The following SLC38A8 variants were observed in gnomAD, a reference collection of about 807,000 sequenced individuals.
SLC38A8 encodes amino acid transporter SLC38A8.
A neutral mutation model predicts 46.0 loss-of-function variants in SLC38A8; 65 were observed. That is an observed-to-expected ratio of 1.41 (90% CI 1.16 to 1.74). The LOEUF is 1.74. Ranked by LOEUF, SLC38A8 falls within the 40% of genes most tolerant of loss-of-function variation. SLC38A8 has a pLI of 0.00. For synonymous variants in SLC38A8, 447 were observed against 243.7 expected (o/e 1.83, Z -7.77); for missense variants, 998 against 567.9 (o/e 1.76, Z -7.70).
intron 5 of SLC38A8, among the ~76,000 whole-genome samples, chr16:84,030,026 C>T (rs946167997): frequency 6.6e-6 from 1 of 152,164 alleles, no homozygotes; most frequent in African/African-American, 2.4e-5. Context: ...TTCACAGCTT[C>T]CTTTGACAGG....
rs763069323 is a variant in SLC38A8 at position 84,031,865 on chromosome 16, AC to A, written c.632+1del. On this transcript the variant is annotated splice_donor_variant, in intron 5 of 10. Coordinates refer to ENST00000299709, the MANE Select transcript of SLC38A8 (RefSeq NM_001080442.3). LOFTEE classifies it high-confidence loss of function. ...TGCCGGAAGCTGTTCCCTCAGACTT[AC>A]CTCAGTGAAGGATGGGACTCACGCA... 1.9e-6 allele frequency: 3 copies of A among 1,613,698 alleles called. No individual in the cohort carries two copies. The South Asian group carries it at 3.3e-5, about 18-fold the overall frequency.
At chr16:84,035,856 T>A (rs2085294374) in intron 3 of SLC38A8, among the ~76,000 whole-genome samples, 1 of 152,264 alleles carries the variant, frequency 6.6e-6, no homozygotes, top group African/African-American at 2.4e-5. Flanking sequence ...TCCTTTAACA[T>A]CCTTCTCTTA....
chr16:84,021,638 C>T (rs562616730), intron 7 of SLC38A8, among the ~76,000 whole-genome samples: 69 of 152,324 alleles, frequency 4.5e-4, no homozygotes, highest in African/African-American at 1.7e-3. Flanking sequence ...CGAATTCTTC[C>T]AGCCTGCACT....
At chr16:84,022,677 C>A in intron 7 of SLC38A8, 98 bp downstream of exon 7, 1 of 905,402 alleles carries the variant, frequency 1.1e-6, no homozygotes, top group Non-Finnish European at 1.7e-6. Context: ...GAGTATTGAG[C>A]CCAGCACGTG....
intron 2 of SLC38A8, among the ~76,000 whole-genome samples, chr16:84,037,553 G>C (rs1195275231): frequency 6.6e-6 from 1 of 152,104 alleles, no homozygotes; most frequent in African/African-American, 2.4e-5. Context: ...CTGAGGTCAG[G>C]AGTTTGAGAC....
chr16:84,036,590 G>A (rs2085301624), intron 3 of SLC38A8, 112 bp downstream of exon 3: 2 of 1,225,680 alleles, frequency 1.6e-6, no homozygotes, highest in South Asian at 1.4e-5. Context: ...TTCAGCCTCT[G>A]CTGTCCCTCA....
intron 6 of SLC38A8, among the ~76,000 whole-genome samples, chr16:84,023,855 C>G (rs2085126222): frequency 6.6e-6 from 1 of 152,234 alleles, no homozygotes; most frequent in Non-Finnish European, 1.5e-5. Context: ...GATCGTGCCA[C>G]TGCACTCCAG....
chr16:84,029,545 G>C lies in SLC38A8; in HGVS notation c.639C>G (p.Ala213=). ...VRESHPSLSP[A]SWTSVFSVFP... ...AGACACTGAACACAGAGGTCCAGGA[G>C]GCAGGGCTGTAAACAGACAAGAACA... Residue 213 remains alanine (A), a synonymous_variant, in exon 6 of 11, where the codon GCC becomes GCG. Coordinates refer to ENST00000299709, the MANE Select transcript of SLC38A8 (RefSeq NM_001080442.3). 1.2e-6 allele frequency: 2 copies of C among 1,614,146 alleles called. No homozygotes were observed. The highest frequency in any genetic ancestry group is 1.7e-6 in the Non-Finnish European group (2 of 1,180,000).
chr16:84,011,301 C>A (rs1438351454), intron 10 of SLC38A8, among the ~76,000 whole-genome samples: 2 of 152,144 alleles, frequency 1.3e-5, no homozygotes, highest in African/African-American at 4.8e-5. Flanking sequence ...AGGAACAAAA[C>A]AAAAAGCATG....
intron 3 of SLC38A8, 144 bp downstream of exon 3, chr16:84,036,553 CTACCA>C: frequency 1.1e-6 from 1 of 885,300 alleles, no homozygotes; most frequent in Non-Finnish European, 1.7e-6. Flanking sequence ...CCTCCCTTCC[CTACCA>C]TGTTAGGAAC....
At chr16:84,033,714 G>A (rs958924128) in intron 3 of SLC38A8, among the ~76,000 whole-genome samples, 1 of 152,170 alleles carries the variant, frequency 6.6e-6, no homozygotes, top group Non-Finnish European at 1.5e-5. Flanking sequence ...ACTGCTCTAA[G>A]GCCCAAGATG....
Position 84,042,079 on chromosome 16 carries a change from T to A in SLC38A8, c.79A>T (p.Met27Leu). The A allele has an allele frequency of 6.2e-7, 1 of 1,613,996 alleles. No homozygotes were observed. The highest frequency in any genetic ancestry group is 8.5e-7 in the Non-Finnish European group (1 of 1,180,000). Residue 27 changes from methionine to leucine, a missense_variant, in exon 2 of 11, where the codon ATG becomes TTG. Transcript: ENST00000299709. ...PATAAATLSS[M>L]GAVFILMKSA... ...TTCATGAGGATGAAGACAGCGCCCA[T>A]CGAGGACAGAGTGGCAGCAGCCGTG...
intron 2 of SLC38A8, among the ~76,000 whole-genome samples, chr16:84,037,672 A>G (rs1394579634): frequency 6.6e-6 from 1 of 151,924 alleles, no homozygotes; most frequent in Non-Finnish European, 1.5e-5. Context: ...GAGGCAGCAA[A>G]ATCTCTTGAA....
chr16:84,016,437 T>C, intron 9 of SLC38A8, 82 bp downstream of exon 9: 1 of 1,506,082 alleles, frequency 6.6e-7, no homozygotes, highest in Non-Finnish European at 9.0e-7. Flanking sequence ...TTCCAGAACC[T>C]TGACCTCCAA....
At chr16:84,022,229 C>T (rs142747503) in intron 7 of SLC38A8, among the ~76,000 whole-genome samples, 32 of 152,274 alleles carry the variant, frequency 2.1e-4, no homozygotes, top group East Asian at 1.7e-3. Flanking sequence ...AAAAGACTGG[C>T]GTCAAGTGGC....
rs146804461 is a variant in SLC38A8 at position 84,023,670 on chromosome 16, G to C, written c.691-781C>G. On this transcript the variant is annotated intron_variant, in intron 6 of 10. Coordinates refer to ENST00000299709, the MANE Select transcript of SLC38A8 (RefSeq NM_001080442.3). ...GCACTTTGGGAGGCCGAAGGGGGCA[G>C]ATCACTTGAGGTCAGGAGTTTGAGA... is the stretch of plus-strand genomic sequence containing the variant. Among the ~76,000 whole-genome samples the C allele has an allele frequency of 1.3e-3, 198 of 152,236 alleles. 2 individuals carry two copies. The highest frequency in any genetic ancestry group is 4.6e-3 in the African/African-American group (190 of 41,588).
chr16:84,011,745 G>A (rs776992737), intron 10 of SLC38A8, among the ~76,000 whole-genome samples: 3 of 152,192 alleles, frequency 2.0e-5, no homozygotes, highest in African/African-American at 7.2e-5. Context: ...GCAGCCAGGT[G>A]TGATGGTGGG....
chr16:84,018,800 A>G (rs1249543642), intron 7 of SLC38A8, among the ~76,000 whole-genome samples: 1 of 152,240 alleles, frequency 6.6e-6, no homozygotes, highest in South Asian at 2.1e-4. Context: ...TAAATCTGAC[A>G]AGGAATGACA....
intron 9 of SLC38A8, among the ~76,000 whole-genome samples, chr16:84,013,483 T>G (rs1292143245): frequency 7.6e-6 from 1 of 131,304 alleles, no homozygotes; most frequent in East Asian, 2.4e-4. Flanking sequence ...CAGGCTGGAG[T>G]GCAGTGGCAC....
Sources: gnomAD v4.1 joint callset for allele counts (sites outside exome capture counted in the v4.1 genomes callset) on GRCh38, gnomAD v4.1.1 for gene constraint, MANE v1.5 for transcripts, NCBI Gene and HGNC (gene_info 2026-07-23, HGNC 2026-07-21) for gene names.